Variants in GRIK1 observed in about 807,000 individuals in gnomAD.
The protein encoded by GRIK1 is glutamate receptor ionotropic, kainate 1.
GRIK1 carries 69 observed loss-of-function variants against 105.7 expected under a neutral mutation model. The observed-to-expected ratio is 0.65, with a 90% confidence interval of 0.54 to 0.80. GRIK1 has a LOEUF of 0.80. Ranked by LOEUF, GRIK1 falls within the 30% of genes least tolerant of loss-of-function variation. The pLI is 0.00. For missense variants in GRIK1, 1,109 were observed against 1,167.3 expected (o/e 0.95, Z 0.73); for synonymous variants, 438 against 431.3 (o/e 1.02, Z -0.19).
chr21:29,883,141 T>C lies in GRIK1; in HGVS notation c.118+56242A>G, dbSNP rs558862782. ...CATCTGGAAGCAGTATTTAATATAT[T>C]TGGAAGGTAACTTAACCCATTTAGT... On this transcript the variant is annotated intron_variant, in intron 1 of 17. Transcript: ENST00000327783. Among the ~76,000 whole-genome samples, 5 of 152,196 alleles carry C rather than the reference T, an allele frequency of 3.3e-5. No homozygotes were observed. In the East Asian group the frequency reaches 7.7e-4, roughly 24 times the overall value.
intron 16 of GRIK1, among the ~76,000 whole-genome samples, chr21:29,544,150 G>T (rs76581990): frequency 0.03 from 4,578 of 152,118 alleles, 116 homozygotes; most frequent in Non-Finnish European, 0.042. Flanking sequence ...ACCTATGAGG[G>T]TCACAGGGTT....
At chr21:29,560,363 T>A (rs1375371469) in intron 15 of GRIK1, among the ~76,000 whole-genome samples, 1 of 47,802 alleles carries the variant, frequency 2.1e-5, no homozygotes, top group African/African-American at 8.8e-5. Context: ...TTCTTTTTCT[T>A]TCTTCCTTCC....
At chr21:29,911,316 A>T (rs2070807336) in intron 1 of GRIK1, among the ~76,000 whole-genome samples, 1 of 152,026 alleles carries the variant, frequency 6.6e-6, no homozygotes, top group Non-Finnish European at 1.5e-5. Flanking sequence ...TCTACATTGA[A>T]TAATATTCTA....
chr21:29,727,007 C>A (rs945269367), intron 1 of GRIK1, among the ~76,000 whole-genome samples: 1 of 152,108 alleles, frequency 6.6e-6, no homozygotes, highest in African/African-American at 2.4e-5. Context: ...TTGATCTCAG[C>A]TCACTGAAAC....
intron 1 of GRIK1, among the ~76,000 whole-genome samples, chr21:29,862,813 T>C (rs1472018840): frequency 1.3e-5 from 2 of 152,238 alleles, no homozygotes; most frequent in Admixed American, 6.5e-5. Flanking sequence ...AGACTATTTA[T>C]ATTTATGTTA....
chr21:29,771,202 T>G (rs1180341601), intron 1 of GRIK1, among the ~76,000 whole-genome samples: 1 of 152,158 alleles, frequency 6.6e-6, no homozygotes, highest in Non-Finnish European at 1.5e-5. Context: ...ATGTCAACAT[T>G]TTATTTTATC....
At chr21:29,642,124 G>A (rs363596) in intron 7 of GRIK1, among the ~76,000 whole-genome samples, 1,887 of 152,262 alleles carry the variant, frequency 0.012, 49 homozygotes, top group African/African-American at 0.043. Flanking sequence ...CCTGAGGTTC[G>A]TGGTGGAATG....
intron 1 of GRIK1, among the ~76,000 whole-genome samples, chr21:29,863,181 T>G (rs1031633728): frequency 1.3e-5 from 2 of 152,350 alleles, no homozygotes; most frequent in Non-Finnish European, 2.9e-5. Flanking sequence ...TATGTGTGAT[T>G]TCCACACATA....
chr21:29,916,141 G>T (rs1030164871), intron 1 of GRIK1, among the ~76,000 whole-genome samples: 1 of 113,994 alleles, frequency 8.8e-6, no homozygotes, highest in African/African-American at 3.9e-5. Context: ...TACTATGAAT[G>T]CAGTACTTAG....
chr21:29,655,174 C>T (rs571548187), intron 4 of GRIK1, among the ~76,000 whole-genome samples: 91 of 152,270 alleles, frequency 6.0e-4, no homozygotes, highest in East Asian at 1.4e-3. Context: ...TTTGGGAGAC[C>T]GAGGCAGGTG....
chr21:29,814,606 C>A (rs1289483652), intron 1 of GRIK1, among the ~76,000 whole-genome samples: 5 of 152,116 alleles, frequency 3.3e-5, no homozygotes, highest in Non-Finnish European at 5.9e-5. Context: ...TTCTGCCTCT[C>A]TCGATAACGA....
intron 1 of GRIK1, among the ~76,000 whole-genome samples, chr21:29,891,841 A>G (rs891435310): frequency 3.3e-5 from 5 of 152,234 alleles, no homozygotes; most frequent in African/African-American, 7.2e-5. Context: ...TGAAACATCT[A>G]AAGTTAAATG....
At chr21:29,805,703 C>T (rs760143599) in intron 1 of GRIK1, among the ~76,000 whole-genome samples, 2 of 152,082 alleles carry the variant, frequency 1.3e-5, no homozygotes, top group African/African-American at 2.4e-5. Flanking sequence ...GGTGCCAATT[C>T]TCCCCACCTG....
At chr21:29,743,768 AG>A (rs1353206546) in intron 1 of GRIK1, among the ~76,000 whole-genome samples, 2 of 152,154 alleles carry the variant, frequency 1.3e-5, no homozygotes, top group African/African-American at 2.4e-5. Context: ...AGTGATTCAA[AG>A]GAAAACATAA....
intron 1 of GRIK1, among the ~76,000 whole-genome samples, chr21:29,908,495 C>T (rs958439245): frequency 6.6e-6 from 1 of 152,132 alleles, no homozygotes; most frequent in Non-Finnish European, 1.5e-5. Context: ...AGCGTACCTT[C>T]AGGAGTTTTC....
intron 1 of GRIK1, among the ~76,000 whole-genome samples, chr21:29,841,610 A>C (rs1266121318): frequency 1.3e-5 from 2 of 152,148 alleles, no homozygotes; most frequent in Non-Finnish European, 2.9e-5. Context: ...AAGGAACATA[A>C]ATGATTGAAA....
At chr21:29,670,401 T>C (rs553437530) in intron 4 of GRIK1, among the ~76,000 whole-genome samples, 1 of 152,276 alleles carries the variant, frequency 6.6e-6, no homozygotes, top group Admixed American at 6.5e-5. Context: ...ATATTTTGCT[T>C]TTGTTTTTGT....
At chr21:29,669,516 A>G (rs554984906) in intron 4 of GRIK1, among the ~76,000 whole-genome samples, 44 of 152,274 alleles carry the variant, frequency 2.9e-4, no homozygotes, top group South Asian at 1.9e-3. Context: ...ATAGTCATCC[A>G]TTCTGCTTGG....
chr21:29,617,144 A>G (rs1050992830), intron 7 of GRIK1, among the ~76,000 whole-genome samples: 1 of 152,246 alleles, frequency 6.6e-6, no homozygotes, highest in Admixed American at 6.5e-5. Context: ...TTAATTTTTA[A>G]TAGTGTCATT....
Sources: allele counts gnomAD v4.1 joint callset (sites outside exome capture counted in the v4.1 genomes callset), GRCh38; gene constraint gnomAD v4.1.1; transcripts MANE v1.5; gene names NCBI Gene and HGNC (gene_info 2026-07-23, HGNC 2026-07-21).